The following THSD4 variants were observed in gnomAD, a reference collection of about 807,000 sequenced individuals.
THSD4 encodes the protein thrombospondin type-1 domain-containing protein 4.
Under a neutral mutation model 119.0 loss-of-function variants are expected in THSD4, and 69 were observed. The observed-to-expected ratio is 0.58, with a 90% CI of 0.48 to 0.71. The LOEUF is 0.71. Ranked by LOEUF, THSD4 falls within the 30% of genes least tolerant of loss-of-function variation. The pLI, the probability that THSD4 is intolerant of heterozygous loss-of-function variation, is 0.00. For synonymous variants in THSD4, 524 were observed against 540.4 expected (o/e 0.97, Z 0.42); for missense variants, 1,393 against 1,391.1 (o/e 1.00, Z -0.02).
intron 2 of THSD4, among the ~76,000 whole-genome samples, chr15:71,142,974 G>T (rs1185858324): frequency 6.6e-6 from 1 of 152,202 alleles, no homozygotes; most frequent in Non-Finnish European, 1.5e-5. Flanking sequence ...ATGCCCTTGG[G>T]CTAATGCCTG....
At chr15:71,345,843 TG>T (rs2045652317) in intron 6 of THSD4, among the ~76,000 whole-genome samples, 3 of 152,032 alleles carry the variant, frequency 2.0e-5, no homozygotes, top group Non-Finnish European at 4.4e-5. Flanking sequence ...CAAACTTATA[TG>T]GTAGTTAAAG....
chr15:71,445,465 A>G (rs1339479853), intron 7 of THSD4, among the ~76,000 whole-genome samples: 1 of 152,212 alleles, frequency 6.6e-6, no homozygotes, highest in African/African-American at 2.4e-5. Context: ...CATGGGAGCA[A>G]CACTGTTCAT....
At chr15:71,143,731 G>T in intron 2 of THSD4, among the ~76,000 whole-genome samples, 1 of 124,618 alleles carries the variant, frequency 8.0e-6, no homozygotes, top group East Asian at 2.3e-4. Context: ...AAAAGAGACA[G>T]GATTTTGCTT....
At chr15:71,125,991 T>A (rs1178972253) in intron 1 of THSD4, among the ~76,000 whole-genome samples, 3 of 152,172 alleles carry the variant, frequency 2.0e-5, no homozygotes, top group Non-Finnish European at 4.4e-5. Context: ...GCTGGTGAGA[T>A]CTTTCATTAT....
At chr15:71,396,185 T>C (rs1286773743) in intron 6 of THSD4, among the ~76,000 whole-genome samples, 1 of 152,064 alleles carries the variant, frequency 6.6e-6, no homozygotes, top group Non-Finnish European at 1.5e-5. Context: ...CATACACACA[T>C]ATGCCCTATA....
chr15:71,319,889 C>G (rs1290677172), intron 6 of THSD4, among the ~76,000 whole-genome samples: 1 of 152,136 alleles, frequency 6.6e-6, no homozygotes, highest in Non-Finnish European at 1.5e-5. Flanking sequence ...CAAAGGTAAG[C>G]AAATTCTTTA....
chr15:71,317,445 G>A (rs1269490392), intron 6 of THSD4, among the ~76,000 whole-genome samples: 1 of 152,150 alleles, frequency 6.6e-6, no homozygotes, highest in Admixed American at 6.5e-5. Flanking sequence ...ATGGTGGCAG[G>A]CAAGAGAGCA....
At chr15:71,360,602 G>A (rs746190618) in intron 6 of THSD4, among the ~76,000 whole-genome samples, 19 of 152,072 alleles carry the variant, frequency 1.2e-4, no homozygotes, top group Non-Finnish European at 2.5e-4. Context: ...TACGGTACTC[G>A]GACTCTCTCC....
intron 7 of THSD4, among the ~76,000 whole-genome samples, chr15:71,515,163 T>TGTTA (rs2048339807): frequency 6.6e-6 from 1 of 152,228 alleles, no homozygotes; most frequent in South Asian, 2.1e-4. Context: ...TGAATGAATG[T>TGTTA]GTTATTCTGT....
intron 8 of THSD4, among the ~76,000 whole-genome samples, chr15:71,661,056 C>A (rs562854021): frequency 6.6e-6 from 1 of 152,316 alleles, no homozygotes; most frequent in African/African-American, 2.4e-5. Flanking sequence ...CTTTGCAAAG[C>A]GCGGAGACCA....
chr15:71,152,999 C>T (rs1403177803), intron 2 of THSD4, among the ~76,000 whole-genome samples: 1 of 152,194 alleles, frequency 6.6e-6, no homozygotes, highest in East Asian at 1.9e-4. Flanking sequence ...CATAACATCT[C>T]CTGCCCCTCC....
In THSD4 at chr15:71,246,806, A is replaced by G. The variant is rs770664155; in HGVS notation, c.912+3710A>G. Among the ~76,000 whole-genome samples the G allele has an allele frequency of 2.0e-5, 3 of 151,984 alleles. No homozygotes were observed. In the East Asian group the frequency reaches 5.8e-4, roughly 29 times the overall value. On this transcript the variant is annotated intron_variant, in intron 5 of 17. Transcript: ENST00000261862. Reference sequence around the variant, plus strand: ...TAGAGAATCTATGGTCTTTTCAAGCACCAATCTCAAACATCTGCTGGTGCA... The same window carrying G: ...TAGAGAATCTATGGTCTTTTCAAGCGCCAATCTCAAACATCTGCTGGTGCA...
At chr15:71,488,281 A>G (rs1230892723) in intron 7 of THSD4, among the ~76,000 whole-genome samples, 3 of 152,220 alleles carry the variant, frequency 2.0e-5, no homozygotes, top group Admixed American at 1.3e-4. Context: ...ATTAAACTGT[A>G]TCTCTGGCAT....
chr15:71,736,541 GTCTC>G lies in THSD4; in HGVS notation c.1631-1182_1631-1179del, dbSNP rs758841616. Reference sequence around the variant, plus strand: ...TGTGTCTCTGTCTCTCTTGCTCTCTGTCTCTCTCTCTCGCTGTCTCTCTTTCTTA... The same window carrying G: ...TGTGTCTCTGTCTCTCTTGCTCTCTGTCTCTCTCGCTGTCTCTCTTTCTTA... On this transcript the variant is annotated intron_variant, in intron 10 of 17. Coordinates refer to ENST00000261862, the MANE Select transcript of THSD4 (RefSeq NM_024817.3). 4.7e-5 allele frequency among the ~76,000 whole-genome samples: 7 copies of G among 149,030 alleles called. No homozygotes were observed. The East Asian group carries it at 8.0e-4, about 17-fold the overall frequency.
At chr15:71,097,563 C>T (rs62019144) in intron 1 of THSD4, among the ~76,000 whole-genome samples, 2,297 of 138,886 alleles carry the variant, frequency 0.017, 31 homozygotes, top group Non-Finnish European at 0.021. Flanking sequence ...AAGACTCTGT[C>T]TCGAAAAAAA....
intron 5 of THSD4, among the ~76,000 whole-genome samples, chr15:71,255,726 A>G (rs2044307861): frequency 2.0e-5 from 3 of 152,206 alleles, no homozygotes; most frequent in Admixed American, 2.0e-4. Context: ...CCCACACCTC[A>G]CTGGCTGTGT....
intron 1 of THSD4, among the ~76,000 whole-genome samples, chr15:71,106,955 G>A (rs2040276556): frequency 6.6e-6 from 1 of 152,162 alleles, no homozygotes; most frequent in African/African-American, 2.4e-5. Context: ...GGGAGGGGAA[G>A]TGAAATCTCG....
rs111815473 is a variant in THSD4 at position 71,312,807 on chromosome 15, G to C, written c.1015+56092G>C. On this transcript the variant is annotated intron_variant, in intron 6 of 17. Transcript: ENST00000261862. ...CTCTTTGTGCTTCTGGGAATGTTCT[G>C]ACCCCCAGATCTTCCTATGGCTTCC... Among the ~76,000 whole-genome samples, 1,480 of 152,088 alleles carry C rather than the reference G, an allele frequency of 9.7e-3. 8 individuals are homozygous for C. Among genetic ancestry groups the C allele is most frequent in the Middle Eastern group, 0.017 (5 of 294 alleles).
rs556682631 is a variant in THSD4, at chr15:71,389,810, G to GTTTTTTTTTTTTTTTTTTTTTTT, written c.1016-21860_1016-21859insTTTTTTTTTTTTTTTTTTTTTTT. ...GCCAACACTTGCTATTTTCTGGGTT[G>GTTTTTTTTTTTTTTTTTTTTTTT]TTTTTTTTTTTTTTTTTGACACAGA... On this transcript the variant is annotated intron_variant, in intron 6 of 17. Coordinates refer to ENST00000261862, the MANE Select transcript of THSD4 (RefSeq NM_024817.3). Among the ~76,000 whole-genome samples, 3 of 88,024 alleles carry GTTTTTTTTTTTTTTTTTTTTTTT rather than the reference G, an allele frequency of 3.4e-5. 1 individual carries two copies. The highest frequency in any genetic ancestry group is 4.3e-5 in the African/African-American group (1 of 23,040). The allele number at this position is 88,024 out of a possible 152,430, so 57.7% of individuals were successfully genotyped here. A position where few individuals can be genotyped will look rare whatever the true frequency, so the allele number is the denominator to read the frequency against.
Sources: allele counts gnomAD v4.1 joint callset (sites outside exome capture counted in the v4.1 genomes callset), GRCh38; gene constraint gnomAD v4.1.1; transcripts MANE v1.5; gene names NCBI Gene and HGNC (gene_info 2026-07-23, HGNC 2026-07-21).